ACSS3: variants seen among roughly 807,000 people sequenced by gnomAD.
The protein encoded by ACSS3 is acyl-CoA synthetase short-chain family member 3, mitochondrial.
A neutral mutation model predicts 84.2 loss-of-function variants in ACSS3; 64 were observed. The observed-to-expected ratio is 0.76, with a 90% confidence interval of 0.62 to 0.94. The LOEUF (loss-of-function observed/expected upper bound fraction) is 0.94. Among genes scored for constraint, ACSS3 ranks in the 40% least tolerant of loss-of-function variants. The pLI, the probability that ACSS3 is intolerant of heterozygous loss-of-function variation, is 0.00. For synonymous variants in ACSS3, 317 were observed against 310.1 expected, an observed-to-expected ratio of 1.02 and a Z score of -0.23; for missense variants, 815 against 867.6, an observed-to-expected ratio of 0.94 and a Z score of 0.76.
chr12:81,213,722 G>A (rs1303272714), intron 9 of ACSS3, among the ~76,000 whole-genome samples: 3 of 78,990 alleles, frequency 3.8e-5, no homozygotes, highest in African/African-American at 1.0e-4. Context: ...GCTCCCCTCC[G>A]CTCCCCTCCG....
intron 8 of ACSS3, among the ~76,000 whole-genome samples, chr12:81,177,687 T>C (rs1440082080): frequency 6.6e-6 from 1 of 152,144 alleles, no homozygotes; most frequent in Non-Finnish European, 1.5e-5. Context: ...AGAAGACATT[T>C]ATGCAGCCAA....
intron 1 of ACSS3, among the ~76,000 whole-genome samples, chr12:81,082,121 A>G (rs868247148): frequency 6.6e-6 from 1 of 152,312 alleles, no homozygotes; most frequent in Middle Eastern, 3.4e-3. Flanking sequence ...TGTTATATGG[A>G]CATATTGTGT....
intron 13 of ACSS3, among the ~76,000 whole-genome samples, chr12:81,237,257 C>T (rs538635832): frequency 6.6e-6 from 1 of 151,468 alleles, no homozygotes; most frequent in African/African-American, 2.4e-5. Context: ...CTGGACTATA[C>T]ACATTTGGCC....
At chr12:81,246,548 C>T (rs745513027) in intron 13 of ACSS3, among the ~76,000 whole-genome samples, 7 of 152,086 alleles carry the variant, frequency 4.6e-5, no homozygotes, top group Non-Finnish European at 1.0e-4. Context: ...GAACTCATCA[C>T]CAAGTTGTAT....
intron 5 of ACSS3, among the ~76,000 whole-genome samples, chr12:81,146,379 T>C (rs1886341964): frequency 6.6e-6 from 1 of 152,310 alleles, no homozygotes; most frequent in East Asian, 1.9e-4. Context: ...TAAACACACA[T>C]GCATTAATGG....
At chr12:81,097,824 G>A (rs1026027106) in intron 1 of ACSS3, among the ~76,000 whole-genome samples, 1 of 152,136 alleles carries the variant, frequency 6.6e-6, no homozygotes, top group Non-Finnish European at 1.5e-5. Flanking sequence ...ACTAATACCA[G>A]TGTGTCACTC....
At chr12:81,163,459 TTGATAA>T (rs1432399833) in intron 7 of ACSS3, among the ~76,000 whole-genome samples, 1 of 152,216 alleles carries the variant, frequency 6.6e-6, no homozygotes, top group Non-Finnish European at 1.5e-5. Flanking sequence ...ACATTAATAC[TTGATAA>T]TGATAACAAA....
intron 2 of ACSS3, among the ~76,000 whole-genome samples, chr12:81,117,200 A>G (rs1884114718): frequency 6.6e-6 from 1 of 152,196 alleles, no homozygotes; most frequent in African/African-American, 2.4e-5. Context: ...TGTGAAATTT[A>G]TTTATTGAAA....
In ACSS3 at chr12:81,259,509, A is replaced by C; in HGVS notation, c.*4587A>C. ...AATTTGTAGTAAACTAATCAAATGT[A>C]ATATCTGACTCCCCCCAAAAATCAC... On this transcript the variant is annotated 3_prime_UTR_variant, in exon 16 of 16. Transcript: ENST00000548058. 1.2e-6 allele frequency: 1 copy of C among 837,602 alleles called. No homozygotes were observed. Among genetic ancestry groups the C allele is most frequent in the Non-Finnish European group, 1.9e-6 (1 of 526,586 alleles). 51.9% of individuals were successfully genotyped at this position (837,602 alleles called of 1,614,324 possible). A position where few individuals can be genotyped will look rare whatever the true frequency, so the allele number is the denominator to read the frequency against.
intron 7 of ACSS3, among the ~76,000 whole-genome samples, chr12:81,165,366 C>T (rs1031226940): frequency 2.0e-5 from 3 of 152,162 alleles, no homozygotes; most frequent in Non-Finnish European, 4.4e-5. Context: ...AGTACAGAGG[C>T]CGGGCGCAGT....
At position 81,167,986 on chromosome 12, in the gene ACSS3, T is replaced by C. The variant is rs547667596; in HGVS notation, c.1099-6802T>C. On this transcript the variant is annotated intron_variant, in intron 7 of 15. Coordinates refer to ENST00000548058, the MANE Select transcript of ACSS3 (RefSeq NM_024560.4). ...AGGGATTGTCAAAATAGCAAACTGA[T>C]AGAAAGTATTAATCTGAACCATGTG... Among the ~76,000 whole-genome samples the C allele has an allele frequency of 2.9e-4, 44 of 152,230 alleles. No homozygotes were observed. The South Asian group carries it at 9.1e-3, about 32-fold the overall frequency.
In ACSS3 at chr12:81,152,188, G is replaced by C. The variant is rs1293395040; in HGVS notation, c.1098+92G>C. 5.1e-6 allele frequency: 5 copies of C among 971,808 alleles called. No individual in the cohort carries two copies. The Admixed American group carries it at 1.2e-4, about 23-fold the overall frequency. 60.2% of individuals were successfully genotyped at this position (971,808 alleles called of 1,614,324 possible). A position where few individuals can be genotyped will look rare whatever the true frequency, so the allele number is the denominator to read the frequency against. On this transcript the variant is annotated intron_variant, in intron 7 of 15. Transcript: ENST00000548058. The stretch of plus-strand genomic sequence containing the variant: ...TCCTGAGTAGGATCAGAAAAATTGG[G>C]GTGGGGACAGGGGACATTATTATAT...
intron 7 of ACSS3, among the ~76,000 whole-genome samples, chr12:81,165,329 A>G (rs1341979275): frequency 6.6e-6 from 1 of 152,178 alleles, no homozygotes; most frequent in Non-Finnish European, 1.5e-5. Flanking sequence ...CTCTGACAAT[A>G]TATTCAAGGA....
rs978248376 is a variant in ACSS3, at chr12:81,158,899, T to A, written c.1098+6803T>A. 1.3e-5 allele frequency among the ~76,000 whole-genome samples: 2 copies of A among 152,296 alleles called. 1 individual carries two copies. The highest frequency in any genetic ancestry group is 2.9e-5 in the Non-Finnish European group (2 of 68,026). On this transcript the variant is annotated intron_variant, in intron 7 of 15. Coordinates refer to ENST00000548058, the MANE Select transcript of ACSS3 (RefSeq NM_024560.4). ...CCTTTGATGTGTTCGTTTGCCCTTC[T>A]TTCCTCTAACTGTACTAAGGAAGGA...
chr12:81,095,320 T>C (rs1440251446), intron 1 of ACSS3, among the ~76,000 whole-genome samples: 1 of 152,228 alleles, frequency 6.6e-6, no homozygotes, highest in Admixed American at 6.5e-5. Context: ...AAAACTCTAC[T>C]TTTAAGTTTA....
At chr12:81,094,575 T>C (rs1482880964) in intron 1 of ACSS3, 1 of 152,212 alleles carries the variant, frequency 6.6e-6, no homozygotes, top group African/African-American at 2.4e-5. Flanking sequence ...GTATTCCCTC[T>C]TTTTAATAGG....
intron 13 of ACSS3, among the ~76,000 whole-genome samples, chr12:81,237,614 G>C (rs1341596093): frequency 6.6e-6 from 1 of 151,484 alleles, no homozygotes; most frequent in Non-Finnish European, 1.5e-5. Flanking sequence ...CTGCATTTCT[G>C]TTCTTGTGGC....
chr12:81,233,227 C>A, intron 12 of ACSS3, 122 bp from the exon 13 acceptor site: 1 of 1,162,026 alleles, frequency 8.6e-7, no homozygotes, highest in Non-Finnish European at 1.2e-6. Context: ...AGTCTAGTTA[C>A]GAAAAACGGC....
chr12:81,169,068 G>A (rs1057046391), intron 7 of ACSS3, among the ~76,000 whole-genome samples: 2 of 152,134 alleles, frequency 1.3e-5, no homozygotes, highest in African/African-American at 4.8e-5. Context: ...CCAGACATTG[G>A]TTTCATTCAA....
Sources: gnomAD v4.1 joint callset for allele counts (sites outside exome capture counted in the v4.1 genomes callset) on GRCh38, gnomAD v4.1.1 for gene constraint, MANE v1.5 for transcripts, NCBI Gene and HGNC (gene_info 2026-07-23, HGNC 2026-07-21) for gene names.